MAPKAP1: variants seen among roughly 807,000 people sequenced by gnomAD.
The protein encoded by MAPKAP1 is target of rapamycin complex 2 subunit MAPKAP1.
Under a neutral mutation model 65.7 loss-of-function variants are expected in MAPKAP1, and 20 were observed. The ratio of observed to expected loss-of-function variants is 0.30; its 90% CI spans 0.21 to 0.44. The LOEUF (loss-of-function observed/expected upper bound fraction) is 0.44, where lower values mean the gene tolerates loss of function less well. Ranked by LOEUF, MAPKAP1 falls within the 20% of genes least tolerant of loss-of-function variation. MAPKAP1 has a pLI of 1.00. For synonymous variants in MAPKAP1, 222 were observed against 244.3 expected (o/e 0.91, Z 0.85); for missense variants, 423 against 648.0 (o/e 0.65, Z 3.77).
intron 6 of MAPKAP1, among the ~76,000 whole-genome samples, chr9:125,556,649 G>A (rs1436111786): frequency 6.6e-6 from 1 of 152,134 alleles, no homozygotes; most frequent in Non-Finnish European, 1.5e-5. Flanking sequence ...TCCTCTACTG[G>A]GAGACAAATG....
chr9:125,498,184 C>A (rs1456478967), intron 8 of MAPKAP1, among the ~76,000 whole-genome samples: 1 of 152,214 alleles, frequency 6.6e-6, no homozygotes, highest in Non-Finnish European at 1.5e-5. Flanking sequence ...AGGCCAAGAT[C>A]CAAGCACAAA....
chr9:125,536,585 T>TATTTATTCATTC (rs150930718), intron 7 of MAPKAP1, among the ~76,000 whole-genome samples: 7 of 151,612 alleles, frequency 4.6e-5, no homozygotes, highest in African/African-American at 1.5e-4. Flanking sequence ...ATTTTCCATT[T>TATTTATTCATTC]ATTCATTCAT....
chr9:125,461,248 T>A (rs1853484465), intron 10 of MAPKAP1, among the ~76,000 whole-genome samples: 1 of 152,206 alleles, frequency 6.6e-6, no homozygotes, highest in African/African-American at 2.4e-5. Context: ...ACTCCAAGTC[T>A]TTCCCTCCCA....
intron 4 of MAPKAP1, among the ~76,000 whole-genome samples, chr9:125,625,255 T>TAAAAAAAAAAAAAAAAAAAAAA (rs58671780): frequency 2.2e-4 from 14 of 64,652 alleles, no homozygotes; most frequent in African/African-American, 4.2e-4. Flanking sequence ...AATAAATAAA[T>TAAAAAAAAAAAAAAAAAAAAAA]AAAAAAAAAA....
chr9:125,667,672 A>T (rs13286111), intron 3 of MAPKAP1, among the ~76,000 whole-genome samples: 43,631 of 151,968 alleles, frequency 0.29, 7,602 homozygotes, highest in Non-Finnish European at 0.39. Context: ...TTGGCCTCCA[A>T]AAGTGTTGGG....
intron 10 of MAPKAP1, among the ~76,000 whole-genome samples, chr9:125,466,878 G>C (rs1443282444): frequency 3.3e-5 from 5 of 152,228 alleles, no homozygotes; most frequent in Non-Finnish European, 7.3e-5. Flanking sequence ...AAGCAATGTG[G>C]CATGTGCCCA....
chr9:125,616,188 G>T (rs1832743703), intron 4 of MAPKAP1, among the ~76,000 whole-genome samples: 1 of 152,030 alleles, frequency 6.6e-6, no homozygotes, highest in Non-Finnish European at 1.5e-5. Context: ...GAAAAAAACA[G>T]AAATCAGACC....
intron 10 of MAPKAP1, among the ~76,000 whole-genome samples, chr9:125,467,289 C>A (rs1853714183): frequency 6.6e-6 from 1 of 152,194 alleles, no homozygotes; most frequent in Non-Finnish European, 1.5e-5. Context: ...CTTGATAGGA[C>A]TGGAGTCCTA....
chr9:125,553,501 C>T (rs891113817), intron 6 of MAPKAP1, among the ~76,000 whole-genome samples: 11 of 151,798 alleles, frequency 7.2e-5, no homozygotes, highest in South Asian at 6.3e-4. Context: ...AAGATCACGC[C>T]ATTACACTCC....
chr9:125,518,659 G>C (rs1375760182), intron 7 of MAPKAP1, among the ~76,000 whole-genome samples: 3 of 152,156 alleles, frequency 2.0e-5, no homozygotes, highest in Admixed American at 6.5e-5. Flanking sequence ...AACAGAGCAA[G>C]ACCATCTCTA....
chr9:125,501,173 C>T (rs1161185627), intron 8 of MAPKAP1, among the ~76,000 whole-genome samples: 2 of 152,206 alleles, frequency 1.3e-5, no homozygotes, highest in East Asian at 1.9e-4. Context: ...AACTCTGGAA[C>T]GAACAAATAT....
chr9:125,446,473 C>T (rs1013089892), intron 10 of MAPKAP1, among the ~76,000 whole-genome samples: 8 of 152,076 alleles, frequency 5.3e-5, no homozygotes, highest in Non-Finnish European at 1.0e-4. Context: ...TCTGTGTGTG[C>T]GTCTGTATCT....
At chr9:125,464,204 TAAAAAAAA>T (rs57497941) in intron 10 of MAPKAP1, among the ~76,000 whole-genome samples, 1 of 83,298 alleles carries the variant, frequency 1.2e-5, no homozygotes, top group Non-Finnish European at 2.3e-5. Context: ...TCTCATATAT[TAAAAAAAA>T]AAAAAAAAAA....
In MAPKAP1 at chr9:125,519,569, T is replaced by C. The variant is rs923331236; in HGVS notation, c.959-13152A>G. 2.6e-5 allele frequency among the ~76,000 whole-genome samples: 4 copies of C among 151,448 alleles called. 1 individual carries two copies. In the South Asian group the frequency reaches 6.2e-4, roughly 24 times the overall value. ...GCTTGAGCCTAGGAGATCAAGGCTG[T>C]AGTGAGCTATGATCATGCCACTGCA... On this transcript the variant is annotated intron_variant, in intron 7 of 11. Transcript: ENST00000265960.
intron 9 of MAPKAP1, among the ~76,000 whole-genome samples, chr9:125,468,759 C>T (rs937477013): frequency 6.6e-6 from 1 of 152,214 alleles, no homozygotes; most frequent in Admixed American, 6.5e-5. Flanking sequence ...AGGTCATTGC[C>T]CCCCTGCTGA....
At chr9:125,474,645 G>A (rs1331296815) in intron 9 of MAPKAP1, among the ~76,000 whole-genome samples, 1 of 152,146 alleles carries the variant, frequency 6.6e-6, no homozygotes, top group Non-Finnish European at 1.5e-5. Context: ...TGACTCTTGG[G>A]AGGTACAACC....
rs1027904716 is a variant in MAPKAP1 at position 125,447,728 on chromosome 9, C to G, written c.1346-3130G>C. 6.6e-6 allele frequency among the ~76,000 whole-genome samples: 1 copy of G among 152,032 alleles called. No homozygotes were observed. The highest frequency in any genetic ancestry group is 1.5e-5 in the Non-Finnish European group (1 of 68,014). On this transcript the variant is annotated intron_variant, in intron 10 of 11. Transcript: ENST00000265960. This position sits in a 1 kb window ranked among gnomAD's most constrained non-coding sequence, Gnocchi z 4.5. The stretch of plus-strand genomic sequence containing the variant: ...GCGTGAAGAAGGTAAACGCAGGGAG[C>G]TGCCGTGGAGACACCAAGGCAGAAG...
chr9:125,655,314 G>A (rs1182865946), intron 4 of MAPKAP1, among the ~76,000 whole-genome samples: 3 of 152,080 alleles, frequency 2.0e-5, no homozygotes, highest in Non-Finnish European at 2.9e-5. Flanking sequence ...TTTATGGGAG[G>A]AATCAATCTG....
Position 125,669,705 on chromosome 9 carries a change from C to A in MAPKAP1, c.349+113G>T, listed in dbSNP as rs78245503. ...GAGAAAGAGCTCAAAGCTCAAAACACTAGAGGTATCTAAGTCCAGAGGATT... is the reference window on the plus strand; with the variant it reads ...GAGAAAGAGCTCAAAGCTCAAAACAATAGAGGTATCTAAGTCCAGAGGATT... On this transcript the variant is annotated intron_variant, in intron 3 of 11. Coordinates refer to ENST00000265960, the MANE Select transcript of MAPKAP1 (RefSeq NM_001006617.3). The A allele has an allele frequency of 6.8e-4, 358 of 525,626 alleles. 2 individuals carry two copies. Among genetic ancestry groups the A allele is most frequent in the African/African-American group, 6.5e-3 (334 of 51,170 alleles). The allele number at this position is 525,626 out of a possible 1,614,324, so 32.6% of individuals were successfully genotyped here. A position where few individuals can be genotyped will look rare whatever the true frequency, so the allele number is the denominator to read the frequency against.
Sources: gnomAD v4.1 joint callset for allele counts (sites outside exome capture counted in the v4.1 genomes callset) on GRCh38, gnomAD v4.1.1 for gene constraint, Gnocchi (gnomAD v3.1) non-coding constraint, MANE v1.5 for transcripts, NCBI Gene and HGNC (gene_info 2026-07-23, HGNC 2026-07-21) for gene names.